DIAPH3: variants seen among roughly 807,000 people sequenced by gnomAD.
The protein encoded by DIAPH3 is diaphanous related formin 3, also known as protein diaphanous homolog 3.
In DIAPH3, 117 loss-of-function variants were observed where a neutral mutation model predicts 144.3. The ratio of observed to expected loss-of-function variants is 0.81; its 90% confidence interval spans 0.70 to 0.95. The LOEUF (loss-of-function observed/expected upper bound fraction) is 0.95, where lower values mean the gene tolerates loss of function less well. Ranked by LOEUF, DIAPH3 falls within the 40% of genes least tolerant of loss-of-function variation. The probability of loss-of-function intolerance (pLI) is 0.00; values close to 1 mark genes in which losing one functional copy is unlikely to be tolerated. For missense variants in DIAPH3, 1,421 were observed against 1,412.7 expected (o/e 1.01, Z -0.09); for synonymous variants, 519 against 488.9 (o/e 1.06, Z -0.81).
intron 20 of DIAPH3, among the ~76,000 whole-genome samples, chr13:59,890,489 G>A (rs766469848): frequency 6.6e-6 from 1 of 151,462 alleles, no homozygotes; most frequent in Non-Finnish European, 1.5e-5. Context: ...GTTTATATAT[G>A]TTTTGTTATA....
chr13:59,836,401 T>C (rs1409055920), intron 23 of DIAPH3, among the ~76,000 whole-genome samples: 1 of 151,782 alleles, frequency 6.6e-6, no homozygotes, highest in Non-Finnish European at 1.5e-5. Flanking sequence ...AAGCAAGTAG[T>C]TACTGTGGAA....
intron 25 of DIAPH3, among the ~76,000 whole-genome samples, chr13:59,787,501 A>G (rs893129653): frequency 1.3e-5 from 2 of 152,226 alleles, no homozygotes; most frequent in Non-Finnish European, 2.9e-5. Flanking sequence ...GAATCACTTG[A>G]GCCTAGGAAT....
chr13:60,025,311 C>T (rs1278718253), intron 5 of DIAPH3, among the ~76,000 whole-genome samples: 1 of 150,252 alleles, frequency 6.7e-6, no homozygotes, highest in Admixed American at 6.7e-5. Flanking sequence ...CCAGCAAACT[C>T]ACCGCCATAT....
rs60603212 is a variant in DIAPH3 at position 59,769,459 on chromosome 13, G to T, written c.3319+4730C>A. 8.2e-3 allele frequency among the ~76,000 whole-genome samples: 1,243 copies of T among 152,040 alleles called. 20 individuals carry two copies. The highest frequency in any genetic ancestry group is 0.028 in the African/African-American group (1,171 of 41,478). On this transcript the variant is annotated intron_variant, in intron 27 of 27. Transcript: ENST00000400324. ...TAACTTGCCATTCTCTTGTTTTAAA[G>T]ATTCTCCTTTAGATAACTCACTTGC...
intron 20 of DIAPH3, among the ~76,000 whole-genome samples, chr13:59,907,590 G>A (rs2046802617): frequency 6.6e-6 from 1 of 152,254 alleles, no homozygotes; most frequent in Non-Finnish European, 1.5e-5. Flanking sequence ...ATAGGTACAA[G>A]CCAACTTACG....
At chr13:60,082,871 A>G (rs2057608727) in intron 4 of DIAPH3, among the ~76,000 whole-genome samples, 1 of 152,134 alleles carries the variant, frequency 6.6e-6, no homozygotes, top group Non-Finnish European at 1.5e-5. Flanking sequence ...TGCTTAGTCA[A>G]TGTCGACATA....
At chr13:59,737,767 T>A (rs2036230352) in intron 27 of DIAPH3, among the ~76,000 whole-genome samples, 1 of 152,206 alleles carries the variant, frequency 6.6e-6, no homozygotes, top group Non-Finnish European at 1.5e-5. Context: ...AACAAAACAC[T>A]GGCCATTATA....
intron 27 of DIAPH3, among the ~76,000 whole-genome samples, chr13:59,716,510 A>G (rs1248872613): frequency 6.6e-6 from 1 of 152,144 alleles, no homozygotes; most frequent in Non-Finnish European, 1.5e-5. Flanking sequence ...ATAACAAAGA[A>G]GAAGTATCAG....
At chr13:59,947,434 T>C (rs1258341408) in intron 17 of DIAPH3, among the ~76,000 whole-genome samples, 1 of 152,208 alleles carries the variant, frequency 6.6e-6, no homozygotes, top group East Asian at 1.9e-4. Flanking sequence ...ATTGACCCTG[T>C]TACTGTACTA....
chr13:59,982,312 G>GGC (rs2051069002), intron 13 of DIAPH3, among the ~76,000 whole-genome samples: 3 of 151,066 alleles, frequency 2.0e-5, no homozygotes, highest in Non-Finnish European at 3.0e-5. Flanking sequence ...ATTCCTAAAT[G>GGC]ACCCAGTGGA....
intron 17 of DIAPH3, among the ~76,000 whole-genome samples, chr13:59,961,185 A>C (rs2049733536): frequency 6.6e-6 from 1 of 152,214 alleles, no homozygotes; most frequent in Admixed American, 6.5e-5. Flanking sequence ...GATGATACAC[A>C]AAACTTTACA....
At chr13:59,907,839 G>T (rs893655863) in intron 20 of DIAPH3, among the ~76,000 whole-genome samples, 3 of 152,194 alleles carry the variant, frequency 2.0e-5, no homozygotes, top group African/African-American at 4.8e-5. Context: ...ATTAGAAAGA[G>T]AGGTAATATC....
intron 17 of DIAPH3, among the ~76,000 whole-genome samples, chr13:59,940,615 A>C (rs1295942184): frequency 1.3e-5 from 2 of 152,192 alleles, no homozygotes; most frequent in Non-Finnish European, 1.5e-5. Context: ...TAATTTCTTG[A>C]ATTTCTGTAA....
chr13:60,093,572 G>A (rs1430608111), intron 4 of DIAPH3, 56 bp downstream of exon 4: 7 of 1,225,144 alleles, frequency 5.7e-6, no homozygotes, highest in Non-Finnish European at 8.4e-6. Context: ...TAAATGTGCT[G>A]TTTTCCATGT....
chr13:60,132,277 T>C (rs781642871), intron 2 of DIAPH3, among the ~76,000 whole-genome samples: 7 of 152,212 alleles, frequency 4.6e-5, no homozygotes, highest in Non-Finnish European at 7.4e-5. Context: ...GCTTCATATA[T>C]GGTGAAGTTT....
chr13:59,957,947 AT>A (rs1353701297), intron 17 of DIAPH3, among the ~76,000 whole-genome samples: 3 of 152,152 alleles, frequency 2.0e-5, no homozygotes, highest in Non-Finnish European at 4.4e-5. Context: ...TGGTTCTCTA[AT>A]CAAAAAGAAA....
At chr13:59,814,819 GA>G in intron 24 of DIAPH3, among the ~76,000 whole-genome samples, 1 of 152,278 alleles carries the variant, frequency 6.6e-6, no homozygotes, top group Admixed American at 6.5e-5. Flanking sequence ...TTACTTGCCA[GA>G]CAGAGTTTGG....
At chr13:59,973,331 T>TCA (rs771529659) in intron 15 of DIAPH3, among the ~76,000 whole-genome samples, 8 of 152,036 alleles carry the variant, frequency 5.3e-5, no homozygotes, top group Non-Finnish European at 1.0e-4. Flanking sequence ...AAACTTGTTA[T>TCA]AAATATTTCA....
chr13:59,924,334 T>C (rs2047655966), intron 18 of DIAPH3, among the ~76,000 whole-genome samples: 1 of 152,180 alleles, frequency 6.6e-6, no homozygotes, highest in Non-Finnish European at 1.5e-5. Flanking sequence ...GAATTCACTT[T>C]ACTCACCATC....
Sources: gnomAD v4.1 joint callset for allele counts (sites outside exome capture counted in the v4.1 genomes callset) on GRCh38, gnomAD v4.1.1 for gene constraint, MANE v1.5 for transcripts, NCBI Gene and HGNC (gene_info 2026-07-23, HGNC 2026-07-21) for gene names.